SATB2: variants seen among roughly 807,000 people sequenced by gnomAD.
SATB2 encodes DNA-binding protein SATB2.
SATB2 carries 1 observed loss-of-function variant against 73.4 expected under a neutral mutation model. The ratio of observed to expected loss-of-function variants is 0.01; its 90% CI spans 0.00 to 0.06. The LOEUF is 0.06. Ranked by LOEUF, SATB2 falls within the 10% of genes least tolerant of loss-of-function variation. The pLI is 1.00. For synonymous variants in SATB2, 397 were observed against 367.0 expected, an observed-to-expected ratio of 1.08 and a Z score of -0.93; for missense variants, 459 against 945.8, an observed-to-expected ratio of 0.49 and a Z score of 6.75.
intron 10 of SATB2, among the ~76,000 whole-genome samples, chr2:199,282,083 A>G (rs1438938271): frequency 1.3e-5 from 2 of 151,972 alleles, no homozygotes; most frequent in East Asian, 1.9e-4. Flanking sequence ...GTGTTTCACC[A>G]TGTTAGCCAG....
chr2:199,367,636 G>T (rs537753506), intron 6 of SATB2, among the ~76,000 whole-genome samples: 1 of 152,216 alleles, frequency 6.6e-6, no homozygotes, highest in Non-Finnish European at 1.5e-5. Flanking sequence ...CCCCTCCGAT[G>T]GGGGCAGAGT....
At chr2:199,411,389 GGA>G (rs1690812384) in intron 3 of SATB2, among the ~76,000 whole-genome samples, 1 of 152,012 alleles carries the variant, frequency 6.6e-6, no homozygotes, top group South Asian at 2.1e-4. Flanking sequence ...TGAAAAAGAG[GGA>G]GAGAGTATTA....
chr2:199,359,625 T>C (rs1037679917), intron 6 of SATB2, among the ~76,000 whole-genome samples: 1 of 152,198 alleles, frequency 6.6e-6, no homozygotes, highest in Non-Finnish European at 1.5e-5. Flanking sequence ...TTCAATTATA[T>C]TAATATTTAC....
chr2:199,302,300 T>TA (rs1687309177), intron 10 of SATB2, among the ~76,000 whole-genome samples: 1 of 152,212 alleles, frequency 6.6e-6, no homozygotes, highest in Admixed American at 6.5e-5. Flanking sequence ...AACTGTCTCT[T>TA]AGAGTAAAAA....
intron 10 of SATB2, among the ~76,000 whole-genome samples, chr2:199,280,026 A>G (rs1692435953): frequency 1.3e-5 from 2 of 152,196 alleles, no homozygotes; most frequent in African/African-American, 4.8e-5. Flanking sequence ...CTGTAATCCC[A>G]GCTACTTGGG....
intron 3 of SATB2, among the ~76,000 whole-genome samples, chr2:199,409,519 T>A (rs1165559996): frequency 1.3e-5 from 2 of 152,236 alleles, no homozygotes; most frequent in Admixed American, 6.5e-5. Flanking sequence ...AGATATTGCA[T>A]AGTTAATACG....
chr2:199,289,881 A>G (rs1207442983), intron 10 of SATB2, among the ~76,000 whole-genome samples: 1 of 151,984 alleles, frequency 6.6e-6, no homozygotes, highest in East Asian at 1.9e-4. Context: ...CTCCAGGTGT[A>G]CTCCCATTGC....
At chr2:199,355,677 T>A (rs1279336855) in intron 6 of SATB2, among the ~76,000 whole-genome samples, 1 of 151,978 alleles carries the variant, frequency 6.6e-6, no homozygotes, top group African/African-American at 2.4e-5. Context: ...ACCTGTAAAG[T>A]GGTCTTAAAG....
chr2:199,355,471 T>C (rs1216994821), intron 6 of SATB2, among the ~76,000 whole-genome samples: 2 of 151,670 alleles, frequency 1.3e-5, no homozygotes, highest in African/African-American at 4.8e-5. Context: ...CAAAATATAA[T>C]CCAATGACTT....
intron 10 of SATB2, among the ~76,000 whole-genome samples, chr2:199,286,313 G>A (rs1192823716): frequency 6.6e-6 from 1 of 152,108 alleles, no homozygotes; most frequent in African/African-American, 2.4e-5. Flanking sequence ...AGAACCTGAG[G>A]AAAAGCATGG....
chr2:199,401,040 T>A (rs1299530557), intron 3 of SATB2, among the ~76,000 whole-genome samples: 4 of 152,162 alleles, frequency 2.6e-5, no homozygotes, highest in African/African-American at 9.7e-5. Context: ...ACCATATATA[T>A]CTTTTGAACA....
intron 2 of SATB2, among the ~76,000 whole-genome samples, chr2:199,445,003 A>T (rs1353681889): frequency 6.6e-6 from 1 of 152,242 alleles, no homozygotes; most frequent in African/African-American, 2.4e-5. Context: ...TTGGTTAAAA[A>T]GAACTGTCTC....
At chr2:199,467,764 C>A (rs1692621699), upstream of SATB2, among the ~76,000 whole-genome samples, 2 of 152,168 alleles carry the variant, frequency 1.3e-5, no homozygotes, top group Non-Finnish European at 2.9e-5. Context: ...CCAGCCCCCT[C>A]ACCACCACCA....
intron 7 of SATB2, among the ~76,000 whole-genome samples, chr2:199,330,458 G>A (rs1042256725): frequency 2.6e-5 from 4 of 152,304 alleles, no homozygotes; most frequent in African/African-American, 9.6e-5. Context: ...AGTGTCTTTT[G>A]TGTGCGTCTG....
At chr2:199,443,654 CTG>C (rs1372412861) in intron 2 of SATB2, among the ~76,000 whole-genome samples, 1 of 151,722 alleles carries the variant, frequency 6.6e-6, no homozygotes, top group Non-Finnish European at 1.5e-5. Context: ...GAAAGCAACA[CTG>C]TGCAATGAAT....
rs1233600625 is a variant in SATB2 at position 199,321,421 on chromosome 2, G to C, written c.1542+2382C>G. 2.7e-5 allele frequency among the ~76,000 whole-genome samples: 4 copies of C among 146,226 alleles called. No individual in the cohort carries two copies. In the East Asian group the frequency reaches 6.1e-4, roughly 22 times the overall value. ...TATACACACACAGATACACCTTATG[G>C]ATATATATATATCTCAGTCTCATAT... On this transcript the variant is annotated intron_variant, in intron 9 of 10. Coordinates refer to ENST00000417098, the MANE Select transcript of SATB2 (RefSeq NM_001172509.2).
chr2:199,433,451 C>T lies in SATB2; in HGVS notation c.233G>A (p.Arg78Lys), dbSNP rs767582582. 6.2e-7 allele frequency: 1 copy of T among 1,614,154 alleles called. No individual in the cohort carries two copies. Among genetic ancestry groups the T allele is most frequent in the Non-Finnish European group, 8.5e-7 (1 of 1,180,030 alleles). Residue 78 changes from arginine (R) to lysine (K), a missense_variant, in exon 3 of 11, where the codon AGA becomes AAA. Physicochemically the swap from Arg to Lys is conservative, Grantham distance 26. Coordinates refer to ENST00000417098, the MANE Select transcript of SATB2 (RefSeq NM_001172509.2). Reference sequence around the variant, plus strand: ...CAGGACAAACTCGGCGTGTTCTTCTCTGTTGTCATATTCAAGAGAGCCGTC... The same window carrying T: ...CAGGACAAACTCGGCGTGTTCTTCTTTGTTGTCATATTCAAGAGAGCCGTC... ...QLDGSLEYDN[R>K]EEHAEFVLVR... is the part of the protein sequence containing the mutation.
intron 10 of SATB2, among the ~76,000 whole-genome samples, chr2:199,306,980 T>C (rs1188208543): frequency 1.3e-5 from 2 of 152,224 alleles, no homozygotes; most frequent in African/African-American, 4.8e-5. Flanking sequence ...CTACTTCATT[T>C]GTACTGAACT....
intron 5 of SATB2, among the ~76,000 whole-genome samples, chr2:199,370,946 C>CAAAAAAAAAAAAAA (rs67348909): frequency 1.4e-5 from 1 of 69,566 alleles, no homozygotes; most frequent in East Asian, 3.6e-4. Context: ...ATGAACTGAG[C>CAAAAAAAAAAAAAA]AAAAAAAAAA....
Sources: gnomAD v4.1 joint callset for allele counts (sites outside exome capture counted in the v4.1 genomes callset) on GRCh38, gnomAD v4.1.1 for gene constraint, MANE v1.5 for transcripts, NCBI Gene and HGNC (gene_info 2026-07-23, HGNC 2026-07-21) for gene names.